Variants in SLC24A3 observed in about 807,000 individuals in gnomAD.
The protein encoded by SLC24A3 is sodium/potassium/calcium exchanger 3.
In SLC24A3, 28 loss-of-function variants were observed where a neutral mutation model predicts 75.8. That is an observed-to-expected ratio of 0.37 (90% CI 0.27 to 0.51). The LOEUF (loss-of-function observed/expected upper bound fraction) is 0.51, where lower values mean the gene tolerates loss of function less well. SLC24A3 is among the 20% of genes least tolerant of loss of function. The pLI is 0.94. For missense variants in SLC24A3, 663 were observed against 847.8 expected, an observed-to-expected ratio of 0.78 and a Z score of 2.71; for synonymous variants, 372 against 334.1, an observed-to-expected ratio of 1.11 and a Z score of -1.24.
At chr20:19,580,835 C>T (rs893727778) in intron 4 of SLC24A3, among the ~76,000 whole-genome samples, 1 of 152,266 alleles carries the variant, frequency 6.6e-6, no homozygotes, top group African/African-American at 2.4e-5. Context: ...ACACATCTGT[C>T]GAGAACTCGG....
At position 19,480,962 on chromosome 20, in the gene SLC24A3, T is replaced by C. The variant is rs186091751; in HGVS notation, c.272-34526T>C. 2.0e-5 allele frequency among the ~76,000 whole-genome samples: 3 copies of C among 152,326 alleles called. No homozygotes were observed. The East Asian group carries it at 5.8e-4, about 29-fold the overall frequency. On this transcript the variant is annotated intron_variant, in intron 2 of 16. Transcript: ENST00000328041. ...TAATACAAAACCTCTAAAAATACTT[T>C]GGGTTCTTGACAGGAACATTATTAA...
intron 1 of SLC24A3, among the ~76,000 whole-genome samples, chr20:19,214,606 A>G (rs1356446878): frequency 6.6e-6 from 1 of 152,012 alleles, no homozygotes; most frequent in Non-Finnish European, 1.5e-5. Context: ...TGGGTGAAGG[A>G]TGTGACTCAT....
chr20:19,414,044 C>A (rs1341017260), intron 2 of SLC24A3, among the ~76,000 whole-genome samples: 2 of 152,114 alleles, frequency 1.3e-5, no homozygotes, highest in Admixed American at 6.6e-5. Flanking sequence ...ATGCAAATGG[C>A]AAATCAGCAT....
intron 6 of SLC24A3, among the ~76,000 whole-genome samples, chr20:19,635,531 T>C (rs375997190): frequency 3.3e-5 from 5 of 152,336 alleles, no homozygotes; most frequent in East Asian, 1.9e-4. Context: ...ACCACATAAT[T>C]CTTCTCAGTG....
At chr20:19,578,260 G>A (rs932275203) in intron 3 of SLC24A3, among the ~76,000 whole-genome samples, 1 of 151,566 alleles carries the variant, frequency 6.6e-6, no homozygotes. Context: ...GTGTCATTTG[G>A]GACGTGTGTG....
intron 1 of SLC24A3, among the ~76,000 whole-genome samples, chr20:19,275,947 C>A (rs1323250089): frequency 6.6e-6 from 1 of 152,186 alleles, no homozygotes; most frequent in Non-Finnish European, 1.5e-5. Flanking sequence ...GGCCAACATG[C>A]AACTTCCAGG....
At chr20:19,653,310 G>A (rs369413652) in intron 6 of SLC24A3, among the ~76,000 whole-genome samples, 316 of 152,290 alleles carry the variant, frequency 2.1e-3, no homozygotes, top group Middle Eastern at 0.014. Context: ...TATCAGCTTC[G>A]TGTCAGCAGA....
At chr20:19,660,039 A>G (rs1451563725) in intron 7 of SLC24A3, among the ~76,000 whole-genome samples, 1 of 152,190 alleles carries the variant, frequency 6.6e-6, no homozygotes, top group Non-Finnish European at 1.5e-5. Flanking sequence ...GCTGACCTCC[A>G]AGGCCCTGCC....
chr20:19,319,082 C>A (rs1328183001), intron 2 of SLC24A3, among the ~76,000 whole-genome samples: 1 of 152,146 alleles, frequency 6.6e-6, no homozygotes, highest in Non-Finnish European at 1.5e-5. Context: ...GAGTTCACTG[C>A]ACTGCTGTTC....
intron 2 of SLC24A3, among the ~76,000 whole-genome samples, chr20:19,395,626 T>G (rs1270446327): frequency 1.3e-5 from 2 of 152,206 alleles, no homozygotes; most frequent in African/African-American, 4.8e-5. Context: ...CTAGCTGTGC[T>G]CTAGTAACTA....
At chr20:19,613,686 A>C (rs2031700284) in intron 6 of SLC24A3, among the ~76,000 whole-genome samples, 2 of 152,312 alleles carry the variant, frequency 1.3e-5, no homozygotes, top group African/African-American at 2.4e-5. Context: ...CAATGTCTCC[A>C]TTACAGAGTG....
Position 19,324,535 on chromosome 20 carries a change from C to T in SLC24A3, c.271+43448C>T, listed in dbSNP as rs186429928. Among the ~76,000 whole-genome samples, 129 of 152,276 alleles carry T rather than the reference C, an allele frequency of 8.5e-4. 1 individual carries two copies. The highest frequency in any genetic ancestry group is 3.0e-3 in the African/African-American group (123 of 41,544). On this transcript the variant is annotated intron_variant, in intron 2 of 16. Coordinates refer to ENST00000328041, the MANE Select transcript of SLC24A3 (RefSeq NM_020689.4). ...ACAGTCCCATGTCCCCCAGGGTTGT[C>T]CTGGCCTTGGGGTTCACTGTGCTCT...
At chr20:19,359,678 G>A (rs1028802614) in intron 2 of SLC24A3, among the ~76,000 whole-genome samples, 8 of 152,188 alleles carry the variant, frequency 5.3e-5, no homozygotes, top group South Asian at 2.1e-4. Context: ...GTGGTTACCC[G>A]ACAGTCTACA....
intron 1 of SLC24A3, among the ~76,000 whole-genome samples, chr20:19,256,038 G>A (rs766905475): frequency 5.9e-5 from 9 of 152,086 alleles, no homozygotes; most frequent in Non-Finnish European, 1.3e-4. Flanking sequence ...GTTCCAGGCT[G>A]CAGTGACCTA....
intron 2 of SLC24A3, among the ~76,000 whole-genome samples, chr20:19,431,568 A>G (rs944965799): frequency 6.6e-6 from 1 of 152,016 alleles, no homozygotes; most frequent in African/African-American, 2.4e-5. Context: ...AAGCACCCAG[A>G]GCCTCCCCTC....
chr20:19,452,600 C>T (rs1020750755), intron 2 of SLC24A3, among the ~76,000 whole-genome samples: 1 of 151,962 alleles, frequency 6.6e-6, no homozygotes, highest in Non-Finnish European at 1.5e-5. Context: ...ACATTATGTT[C>T]CACCCTTCAT....
chr20:19,329,693 C>G (rs537088902), intron 2 of SLC24A3, among the ~76,000 whole-genome samples: 2 of 152,194 alleles, frequency 1.3e-5, no homozygotes, highest in Non-Finnish European at 2.9e-5. Flanking sequence ...GATAAGATCC[C>G]TCCTTCTGAA....
At chr20:19,562,106 C>T (rs2030883305) in intron 3 of SLC24A3, among the ~76,000 whole-genome samples, 1 of 152,076 alleles carries the variant, frequency 6.6e-6, no homozygotes, top group Admixed American at 6.6e-5. Context: ...TCCTGGATTC[C>T]CATTTGTGAC....
chr20:19,485,131 T>A (rs1435387295), intron 2 of SLC24A3, among the ~76,000 whole-genome samples: 1 of 152,218 alleles, frequency 6.6e-6, no homozygotes, highest in African/African-American at 2.4e-5. Context: ...CAATTTTTTT[T>A]AAATGTGCAG....
Sources: allele counts gnomAD v4.1 joint callset (sites outside exome capture counted in the v4.1 genomes callset), GRCh38; gene constraint gnomAD v4.1.1; transcripts MANE v1.5; gene names NCBI Gene and HGNC (gene_info 2026-07-23, HGNC 2026-07-21).